Variants in UVRAG observed in about 807,000 individuals in gnomAD.
UVRAG encodes the protein UV radiation resistance associated, also known as UV radiation resistance-associated gene protein.
Under a neutral mutation model 78.0 loss-of-function variants are expected in UVRAG, and 19 were observed. That is an observed-to-expected ratio of 0.24 (90% CI 0.17 to 0.36). The LOEUF (loss-of-function observed/expected upper bound fraction) is 0.36, where lower values mean the gene tolerates loss of function less well. Ranked by LOEUF, UVRAG falls within the 10% of genes least tolerant of loss-of-function variation. The pLI is 1.00. For synonymous variants in UVRAG, 323 were observed against 324.6 expected (o/e 1.00, Z 0.05); for missense variants, 740 against 853.8 (o/e 0.87, Z 1.66).
intron 8 of UVRAG, among the ~76,000 whole-genome samples, chr11:75,993,123 T>C (rs1242672725): frequency 6.6e-6 from 1 of 152,244 alleles, no homozygotes. Flanking sequence ...TTTACACATC[T>C]GTTCAGTAAG....
intron 3 of UVRAG, among the ~76,000 whole-genome samples, chr11:75,871,475 G>A (rs1358159486): frequency 6.6e-6 from 1 of 150,928 alleles, no homozygotes; most frequent in Non-Finnish European, 1.5e-5. Context: ...GTAGAGACAG[G>A]GTTTCACCAT....
intron 5 of UVRAG, chr11:75,892,298 G>T (rs1248604270): frequency 3.0e-6 from 3 of 983,922 alleles, no homozygotes; most frequent in Non-Finnish European, 3.6e-6. Flanking sequence ...AGTGAGTGGA[G>T]GACACAGAGA....
At chr11:75,976,501 C>T (rs1949244012) in intron 7 of UVRAG, among the ~76,000 whole-genome samples, 1 of 152,032 alleles carries the variant, frequency 6.6e-6, no homozygotes, top group South Asian at 2.1e-4. Flanking sequence ...TGGTCCTGGA[C>T]TTTTTTTGGT....
chr11:76,123,148 C>T (rs1331180192), intron 14 of UVRAG, among the ~76,000 whole-genome samples: 1 of 152,152 alleles, frequency 6.6e-6, no homozygotes, highest in African/African-American at 2.4e-5. Flanking sequence ...CCTTCCCCTG[C>T]CCTCCTGTCT....
chr11:75,977,475 A>G (rs1405972131), intron 7 of UVRAG, among the ~76,000 whole-genome samples: 1 of 152,116 alleles, frequency 6.6e-6, no homozygotes, highest in African/African-American at 2.4e-5. Context: ...GTGGGGTGTT[A>G]AAGTCTCCCA....
chr11:75,982,281 G>C (rs187868520), intron 7 of UVRAG, among the ~76,000 whole-genome samples: 14 of 152,334 alleles, frequency 9.2e-5, no homozygotes, highest in African/African-American at 3.1e-4. Flanking sequence ...CATTGGCTAA[G>C]TGGCAGGGGA....
intron 13 of UVRAG, among the ~76,000 whole-genome samples, chr11:76,086,016 C>G (rs1449369029): frequency 1.3e-5 from 2 of 152,180 alleles, no homozygotes; most frequent in East Asian, 3.9e-4. Context: ...CCTCCCAGTT[C>G]CATAGTATGC....
chr11:75,888,970 A>G, intron 5 of UVRAG, 67 bp downstream of exon 5: 1 of 1,321,502 alleles, frequency 7.6e-7, no homozygotes, highest in Non-Finnish European at 1.1e-6. Flanking sequence ...TGTACAGGGT[A>G]GATATAATCC....
chr11:75,936,783 CT>C (rs1236180498), intron 6 of UVRAG, among the ~76,000 whole-genome samples: 6 of 152,136 alleles, frequency 3.9e-5, no homozygotes, highest in African/African-American at 1.4e-4. Context: ...TTAAACATTT[CT>C]GTTTTTTAGA....
intron 3 of UVRAG, among the ~76,000 whole-genome samples, chr11:75,875,149 T>C (rs942377697): frequency 6.6e-6 from 1 of 152,224 alleles, no homozygotes; most frequent in East Asian, 1.9e-4. Context: ...GAGCTACTCA[T>C]TTTATCATGT....
chr11:76,135,414 A>G (rs188454592), intron 14 of UVRAG, among the ~76,000 whole-genome samples: 45 of 152,334 alleles, frequency 3.0e-4, no homozygotes, highest in Non-Finnish European at 5.6e-4. Flanking sequence ...AAGGAAGCCA[A>G]ACTGACTTCC....
At chr11:75,933,169 A>G (rs1320714043) in intron 6 of UVRAG, among the ~76,000 whole-genome samples, 4 of 152,358 alleles carry the variant, frequency 2.6e-5, no homozygotes, top group Non-Finnish European at 5.9e-5. Flanking sequence ...CACATAGACC[A>G]GTGGAACAGA....
intron 9 of UVRAG, 113 bp from the exon 10 acceptor site, chr11:76,007,421 G>A (rs1949966189): frequency 1.3e-6 from 1 of 772,296 alleles, no homozygotes. Context: ...CTGAGTTTCT[G>A]TGGCCTATTA....
chr11:76,111,747 C>T (rs1162639163), intron 13 of UVRAG, among the ~76,000 whole-genome samples: 1 of 151,984 alleles, frequency 6.6e-6, no homozygotes, highest in Non-Finnish European at 1.5e-5. Flanking sequence ...GGCTGGATTT[C>T]CATCCACTCA....
At chr11:75,884,240 T>TCTCTTTCTCTCTCTCTCTCTCTCTC (rs1555080662) in intron 4 of UVRAG, among the ~76,000 whole-genome samples, 3 of 132,470 alleles carry the variant, frequency 2.3e-5, no homozygotes, top group Non-Finnish European at 4.7e-5. Flanking sequence ...CTCTCTCTCT[T>TCTCTTTCTCTCTCTCTCTCTCTCTC]TCTCTCTCTC....
chr11:75,969,497 A>G (rs12289341), intron 7 of UVRAG, among the ~76,000 whole-genome samples: 314 of 152,286 alleles, frequency 2.1e-3, no homozygotes, highest in African/African-American at 7.4e-3. Flanking sequence ...CAGTAGACCT[A>G]AATTCATAGA....
chr11:75,960,294 A>T (rs140926545), intron 6 of UVRAG, among the ~76,000 whole-genome samples: 78 of 151,922 alleles, frequency 5.1e-4, no homozygotes, highest in Non-Finnish European at 8.5e-4. Context: ...ACAGAAATAT[A>T]ATTGATTTTT....
At chr11:76,109,463 G>A (rs1521529) in intron 13 of UVRAG, among the ~76,000 whole-genome samples, 20,899 of 152,176 alleles carry the variant, frequency 0.14, 3,709 homozygotes, top group African/African-American at 0.41. Context: ...TCTATTCTCT[G>A]TAAAATTCTA....
intron 13 of UVRAG, among the ~76,000 whole-genome samples, chr11:76,070,779 A>G (rs1348467642): frequency 2.0e-5 from 3 of 152,206 alleles, no homozygotes; most frequent in Non-Finnish European, 4.4e-5. Flanking sequence ...TTCCATTTAT[A>G]TAAGTATCTA....
Sources: gnomAD v4.1 joint callset for allele counts (sites outside exome capture counted in the v4.1 genomes callset) on GRCh38, gnomAD v4.1.1 for gene constraint, MANE v1.5 for transcripts, NCBI Gene and HGNC (gene_info 2026-07-23, HGNC 2026-07-21) for gene names.